The following ZNF33A variants were observed in gnomAD, a reference collection of about 807,000 sequenced individuals.
The protein encoded by ZNF33A is zinc finger protein 33A, also known as brain my041 protein.
In ZNF33A, 9 loss-of-function variants were observed where a neutral mutation model predicts 15.9. The observed-to-expected ratio is 0.57, with a 90% CI of 0.34 to 0.99. The LOEUF (loss-of-function observed/expected upper bound fraction) is 0.99, where lower values mean the gene tolerates loss of function less well. Ranked by LOEUF, ZNF33A falls within the 50% of genes least tolerant of loss-of-function variation. ZNF33A has a pLI of 0.02. For synonymous variants in ZNF33A, 294 were observed against 324.2 expected (o/e 0.91, Z 1.00); for missense variants, 843 against 941.6 (o/e 0.90, Z 1.37).
chr10:38,045,029 G>C (rs2065891157), intron 4 of ZNF33A, among the ~76,000 whole-genome samples: 1 of 152,166 alleles, frequency 6.6e-6, no homozygotes, highest in Non-Finnish European at 1.5e-5. Flanking sequence ...TCTTCTCAAG[G>C]GCAGTTGCTG....
At chr10:38,067,791 G>A (rs184828894), downstream of ZNF33A, among the ~76,000 whole-genome samples, 6 of 152,282 alleles carry the variant, frequency 3.9e-5, no homozygotes, top group East Asian at 1.2e-3. Flanking sequence ...GACATTGAAC[G>A]AAACATTCAG....
At chr10:38,062,791 CA>C (rs1243773291), downstream of ZNF33A, among the ~76,000 whole-genome samples, 2 of 151,924 alleles carry the variant, frequency 1.3e-5, no homozygotes, top group Non-Finnish European at 2.9e-5. Flanking sequence ...ATCACGAGGT[CA>C]GGAGATTGAG....
chr10:38,040,040 A>T (rs556058372), intron 4 of ZNF33A, among the ~76,000 whole-genome samples: 15 of 152,104 alleles, frequency 9.9e-5, no homozygotes, highest in Non-Finnish European at 1.5e-4. Context: ...TGTGTTCCAT[A>T]AGTTTGAGTA....
At chr10:38,033,063 A>G (rs1168823071) in intron 4 of ZNF33A, among the ~76,000 whole-genome samples, 1 of 152,124 alleles carries the variant, frequency 6.6e-6, no homozygotes, top group Non-Finnish European at 1.5e-5. Flanking sequence ...TGTTTCTTAG[A>G]ACGTTGTCAT....
chr10:38,031,438 T>C (rs1389298946), intron 4 of ZNF33A, among the ~76,000 whole-genome samples: 1 of 151,772 alleles, frequency 6.6e-6, no homozygotes, highest in Admixed American at 6.6e-5. Flanking sequence ...GGTGTGGTGG[T>C]GCGTGCCTGC....
downstream of ZNF33A, among the ~76,000 whole-genome samples, chr10:38,063,570 T>C (rs1590737498): frequency 6.6e-6 from 1 of 152,326 alleles, no homozygotes; most frequent in African/African-American, 2.4e-5. Flanking sequence ...TCTACATGTT[T>C]AAAGGGAGGA....
intron 4 of ZNF33A, among the ~76,000 whole-genome samples, chr10:38,027,187 T>C (rs2065022622): frequency 6.6e-6 from 1 of 151,984 alleles, no homozygotes; most frequent in African/African-American, 2.4e-5. Flanking sequence ...TTCTTTTCTT[T>C]TTTTTTTTAA....
chr10:38,018,046 A>T (rs1264981027), intron 4 of ZNF33A, among the ~76,000 whole-genome samples: 1 of 152,228 alleles, frequency 6.6e-6, no homozygotes, highest in African/African-American at 2.4e-5. Context: ...GTGAGCTGAG[A>T]CTGTGCCACT....
chr10:38,013,023 A>T (rs2064267952), intron 2 of ZNF33A, among the ~76,000 whole-genome samples: 1 of 152,204 alleles, frequency 6.6e-6, no homozygotes. Context: ...CTATTGAGTC[A>T]AACTGCTTTT....
intron 4 of ZNF33A, among the ~76,000 whole-genome samples, chr10:38,039,220 T>G (rs1158396846): frequency 6.6e-6 from 1 of 151,932 alleles, no homozygotes; most frequent in African/African-American, 2.4e-5. Context: ...GGAAGTTTTC[T>G]TGTCTGTTTT....
Position 38,057,600 on chromosome 10 carries a change from T to C in ZNF33A, c.*1040T>C. 1 of 983,988 alleles carries C rather than the reference T, an allele frequency of 1.0e-6. No individual in the cohort carries two copies. The allele number at this position is 983,988 out of a possible 1,614,324, so 61.0% of individuals were successfully genotyped here. ...AGGAGACCCACAGAGCTAATGTTTA[T>C]CCATTTAAAAGGTATAAATCAAAAT... On this transcript the variant is annotated 3_prime_UTR_variant, in exon 5 of 5. Coordinates refer to ENST00000432900, the MANE Select transcript of ZNF33A (RefSeq NM_006954.2).
rs2066528707 is a variant in ZNF33A at position 38,057,355 on chromosome 10, A to G, written c.*795A>G. 7.1e-6 allele frequency: 7 copies of G among 985,306 alleles called. No individual in the cohort carries two copies. In the South Asian group the frequency reaches 3.3e-4, roughly 46 times the overall value. 61.0% of individuals were successfully genotyped at this position (985,306 alleles called of 1,614,324 possible). A position where few individuals can be genotyped will look rare whatever the true frequency, so the allele number is the denominator to read the frequency against. On this transcript the variant is annotated 3_prime_UTR_variant, in exon 5 of 5. Coordinates refer to ENST00000432900, the MANE Select transcript of ZNF33A (RefSeq NM_006954.2). The stretch of plus-strand genomic sequence containing the variant: ...TATGAAGTTTTTTTAAAGCACAGAT[A>G]AATTGAATAATCAGGGCAATAGCAT...
At chr10:38,042,925 A>T (rs1051210257) in intron 4 of ZNF33A, among the ~76,000 whole-genome samples, 2 of 152,204 alleles carry the variant, frequency 1.3e-5, no homozygotes, top group African/African-American at 4.8e-5. Context: ...ATTGACTTAT[A>T]CATATTTGCT....
downstream of ZNF33A, among the ~76,000 whole-genome samples, chr10:38,066,620 G>A (rs995360781): frequency 6.6e-6 from 1 of 151,670 alleles, no homozygotes; most frequent in African/African-American, 2.4e-5. Context: ...AAACTCTCCA[G>A]TGTGTAAAGC....
chr10:38,064,034 A>G (rs577774748), downstream of ZNF33A: 13 of 1,551,170 alleles, frequency 8.4e-6, no homozygotes, highest in African/African-American at 2.7e-5. Flanking sequence ...CTTCACATCA[A>G]CCCTACGACA....
intron 4 of ZNF33A, among the ~76,000 whole-genome samples, chr10:38,053,145 C>T (rs2135752405): frequency 6.6e-6 from 1 of 152,068 alleles, no homozygotes; most frequent in Admixed American, 6.6e-5. Flanking sequence ...AGTGTAGTTT[C>T]CCCTTTGGCT....
Position 38,055,226 on chromosome 10 carries a change from G to A in ZNF33A, c.1102G>A (p.Asp368Asn), listed in dbSNP as rs1271365460. 2.5e-6 allele frequency: 4 copies of A among 1,613,978 alleles called. No homozygotes were observed. The highest frequency in any genetic ancestry group is 3.4e-6 in the Non-Finnish European group (4 of 1,179,988). Reference sequence around the variant, plus strand: ...TAATGAATGTGAAAAAGCTTTCTGGGATAAGTCAAACCTCACTAAACATCA... The same window carrying A: ...TAATGAATGTGAAAAAGCTTTCTGGAATAAGTCAAACCTCACTAAACATCA... ...QCNECEKAFW[D>N]KSNLTKHQRS... is the part of the protein sequence containing the mutation. Residue 368 changes from aspartate to asparagine, a missense_variant, in exon 5 of 5, where the codon GAT becomes AAT. Coordinates refer to ENST00000432900, the MANE Select transcript of ZNF33A (RefSeq NM_006954.2).
At chr10:38,010,610 GGCGCCAACAGCATCAAGCTGT>G, upstream of ZNF33A, 1 of 1,181,804 alleles carries the variant, frequency 8.5e-7, no homozygotes, top group Non-Finnish European at 1.3e-6. Flanking sequence ...TTCCAGGTAG[GGCGCCAACAGCATCAAGCTGT>G]GCGCGTGGGC....
At position 38,010,675 on chromosome 10, in the gene ZNF33A, G is replaced by A. The variant is rs770011827; in HGVS notation, c.-153G>A. The A allele has an allele frequency of 1.3e-5, 20 of 1,591,244 alleles. No homozygotes were observed. The highest frequency in any genetic ancestry group is 1.7e-5 in the Non-Finnish European group (20 of 1,173,362). On this transcript the variant is annotated 5_prime_UTR_variant, in exon 1 of 5. Transcript: ENST00000432900. ...TGCCTCGTCCGCCGGCTACGTCTGC[G>A]TTTCCGCCTTTCCTTTTGTTTTTCT...
Sources: allele counts gnomAD v4.1 joint callset (sites outside exome capture counted in the v4.1 genomes callset), GRCh38; gene constraint gnomAD v4.1.1; transcripts MANE v1.5; gene names NCBI Gene and HGNC (gene_info 2026-07-23, HGNC 2026-07-21).